PTPRZ1: variants seen among roughly 807,000 people sequenced by gnomAD.
The protein encoded by PTPRZ1 is protein tyrosine phosphatase receptor type Z1.
In PTPRZ1, 82 loss-of-function variants were observed where a neutral mutation model predicts 214.1. The observed-to-expected ratio is 0.38, with a 90% confidence interval of 0.32 to 0.46. The LOEUF (loss-of-function observed/expected upper bound fraction) is 0.46, where lower values mean the gene tolerates loss of function less well. Among genes scored for constraint, PTPRZ1 ranks in the 20% least tolerant of loss-of-function variants. The probability of loss-of-function intolerance (pLI) is 1.00; values close to 1 mark genes in which losing one functional copy is unlikely to be tolerated. For missense variants in PTPRZ1, 2,603 were observed against 2,748.7 expected (o/e 0.95, Z 1.19); for synonymous variants, 945 against 987.9 (o/e 0.96, Z 0.81).
At chr7:121,878,987 A>T (rs1267904968) in intron 1 of PTPRZ1, among the ~76,000 whole-genome samples, 39 of 152,096 alleles carry the variant, frequency 2.6e-4, no homozygotes, top group Admixed American at 2.6e-3. Flanking sequence ...GTCAGCATTC[A>T]CCTTGACCTG....
intron 2 of PTPRZ1, among the ~76,000 whole-genome samples, chr7:121,960,746 G>A (rs1796849385): frequency 6.6e-6 from 1 of 151,918 alleles, no homozygotes; most frequent in Admixed American, 6.6e-5. Flanking sequence ...ACCTGCATTG[G>A]TATTTTTTTC....
At chr7:121,875,700 A>G (rs1794036777) in intron 1 of PTPRZ1, among the ~76,000 whole-genome samples, 1 of 152,262 alleles carries the variant, frequency 6.6e-6, no homozygotes, top group African/African-American at 2.4e-5. Context: ...GGCCTTTTAC[A>G]CAGTTGCCAA....
In PTPRZ1 at chr7:121,898,822, G is replaced by A. The variant is rs1226301251; in HGVS notation, c.58+25265G>A. Among the ~76,000 whole-genome samples the A allele has an allele frequency of 2.0e-5, 3 of 152,248 alleles. No homozygotes were observed. In the East Asian group the frequency reaches 5.8e-4, roughly 29 times the overall value. On this transcript the variant is annotated intron_variant, in intron 1 of 29. Coordinates refer to ENST00000393386, the MANE Select transcript of PTPRZ1 (RefSeq NM_002851.3). ...AGTTCAGGGAAGCTCTTAGTAAGTA[G>A]CTGAGGTTACTTAGCTTCAGGGGAA...
chr7:122,035,377 C>T (rs907098847), intron 17 of PTPRZ1, among the ~76,000 whole-genome samples: 1 of 152,182 alleles, frequency 6.6e-6, no homozygotes, highest in Non-Finnish European at 1.5e-5. Flanking sequence ...ACACATAAAA[C>T]TCACTTGCTT....
At chr7:121,929,520 C>T (rs1415741339) in intron 2 of PTPRZ1, among the ~76,000 whole-genome samples, 1 of 133,220 alleles carries the variant, frequency 7.5e-6, no homozygotes, top group African/African-American at 2.8e-5. Flanking sequence ...AAAAAAAAAA[C>T]TTTCAAGCCA....
chr7:121,927,403 T>C (rs1384211848), intron 1 of PTPRZ1, among the ~76,000 whole-genome samples: 1 of 152,216 alleles, frequency 6.6e-6, no homozygotes, highest in African/African-American at 2.4e-5. Flanking sequence ...GAAGCAGGCA[T>C]GGCTCCTGGC....
intron 2 of PTPRZ1, among the ~76,000 whole-genome samples, chr7:121,962,852 C>T (rs1796923817): frequency 1.3e-5 from 2 of 152,122 alleles, no homozygotes; most frequent in South Asian, 4.1e-4. Context: ...GTGTGAGTCA[C>T]CACACCCAGC....
intron 2 of PTPRZ1, among the ~76,000 whole-genome samples, chr7:121,936,511 C>T (rs1796089501): frequency 6.6e-6 from 1 of 152,208 alleles, no homozygotes; most frequent in Admixed American, 6.5e-5. Flanking sequence ...GCCGGGAGCA[C>T]TGCTGCTGCA....
intron 12 of PTPRZ1, among the ~76,000 whole-genome samples, chr7:122,016,098 A>G (rs1798832934): frequency 2.0e-5 from 3 of 152,042 alleles, no homozygotes; most frequent in Admixed American, 2.0e-4. Flanking sequence ...ATTAGTATCC[A>G]CAATTTATAA....
At chr7:121,897,488 T>C (rs1488811713) in intron 1 of PTPRZ1, among the ~76,000 whole-genome samples, 1 of 152,198 alleles carries the variant, frequency 6.6e-6, no homozygotes, top group East Asian at 1.9e-4. Context: ...CATTTGTTCT[T>C]GTTTTTCTAC....
rs766201384 is a variant in PTPRZ1, at chr7:122,054,952, A to G, written c.6393A>G (p.Glu2131=). 8.8e-6 allele frequency: 14 copies of G among 1,598,850 alleles called. No homozygotes were observed. In the East Asian group the frequency reaches 2.5e-4, roughly 28 times the overall value. The change falls in exon 27 of 30, where the codon GAA becomes GAG. Residue 2131 remains glutamate (E), a synonymous_variant. Coordinates refer to ENST00000393386, the MANE Select transcript of PTPRZ1 (RefSeq NM_002851.3). The part of the protein sequence containing the change: ...IPDGQNMAED[E]FVYWPNKDEP... ...TTGCAATTCTGCAGGCAGAAGATGAATTTGTTTACTGGCCAAATAAAGATG... is the reference window on the plus strand; with the variant it reads ...TTGCAATTCTGCAGGCAGAAGATGAGTTTGTTTACTGGCCAAATAAAGATG...
At chr7:121,962,800 G>A (rs890482438) in intron 2 of PTPRZ1, among the ~76,000 whole-genome samples, 2 of 151,718 alleles carry the variant, frequency 1.3e-5, no homozygotes, top group African/African-American at 2.4e-5. Context: ...TCCTGACCTC[G>A]TGATCCGCCC....
Position 122,034,325 on chromosome 7 carries a change from G to C in PTPRZ1, c.5231G>C (p.Ser1744Thr). The C allele has an allele frequency of 6.2e-7, 1 of 1,613,506 alleles. No homozygotes were observed. The highest frequency in any genetic ancestry group is 8.5e-7 in the Non-Finnish European group (1 of 1,179,654). Reference sequence around the variant, plus strand: ...GTTGACTTAGGTATTACAGCAGACAGCTCCAACCACCCAGACAACAAGCAC... The same window carrying C: ...GTTGACTTAGGTATTACAGCAGACACCTCCAACCACCCAGACAACAAGCAC... ...CTVDLGITADSSNHPDNKHKN... is the reference protein window; with the variant it reads ...CTVDLGITADTSNHPDNKHKN... Residue 1744 changes from serine (S) to threonine (T), a missense_variant, in exon 17 of 30, where the codon AGC (serine) becomes ACC (threonine). Ser to Thr is a moderately conservative substitution (Grantham distance 58). Around this residue, in one of 6 missense-constraint regions of PTPRZ1, gnomAD observed 1,913 missense variants for 1,914.3 expected, o/e 1.00. Coordinates refer to ENST00000393386, the MANE Select transcript of PTPRZ1 (RefSeq NM_002851.3).
At chr7:121,974,822 G>A (rs1249903739) in intron 4 of PTPRZ1, among the ~76,000 whole-genome samples, 1 of 152,066 alleles carries the variant, frequency 6.6e-6, no homozygotes, top group Admixed American at 6.6e-5. Flanking sequence ...CTATGTAATT[G>A]TGTAAGCAGG....
intron 2 of PTPRZ1, among the ~76,000 whole-genome samples, chr7:121,931,091 G>C (rs1402627807): frequency 6.6e-6 from 1 of 152,074 alleles, no homozygotes; most frequent in Admixed American, 6.5e-5. Flanking sequence ...TTCCCCAAGA[G>C]GTTCTTTATG....
chr7:121,903,964 T>TCACACACACACACACACA (rs200372497), intron 1 of PTPRZ1, among the ~76,000 whole-genome samples: 1 of 81,616 alleles, frequency 1.2e-5, no homozygotes, highest in Non-Finnish European at 2.4e-5. Flanking sequence ...AGTCTTTAAA[T>TCACACACACACACACACA]CTCACACACA....
chr7:121,873,943 G>A (rs1257218494), intron 1 of PTPRZ1, among the ~76,000 whole-genome samples: 1 of 152,088 alleles, frequency 6.6e-6, no homozygotes, highest in African/African-American at 2.4e-5. Context: ...GCTGTGGTGC[G>A]GGGCTGTGTA....
chr7:121,962,855 C>T (rs545564860), intron 2 of PTPRZ1, among the ~76,000 whole-genome samples: 267 of 151,892 alleles, frequency 1.8e-3, no homozygotes, highest in African/African-American at 5.8e-3. Context: ...TGAGTCACCA[C>T]ACCCAGCTCC....
intron 11 of PTPRZ1, among the ~76,000 whole-genome samples, chr7:122,008,283 C>T (rs927007615): frequency 2.0e-5 from 3 of 151,918 alleles, no homozygotes; most frequent in Non-Finnish European, 2.9e-5. Context: ...GAAGGAGAGA[C>T]GAGAAGTAGA....
Sources: allele counts gnomAD v4.1 joint callset (sites outside exome capture counted in the v4.1 genomes callset), GRCh38; gene constraint gnomAD v4.1.1; regional missense constraint gnomAD v4.1.1; transcripts MANE v1.5; gene names NCBI Gene and HGNC (gene_info 2026-07-23, HGNC 2026-07-21).